VPS26B: variants seen among roughly 807,000 people sequenced by gnomAD.
The protein encoded by VPS26B is VPS26 retromer complex component B, also known as vacuolar protein sorting-associated protein 26B.
A neutral mutation model predicts 33.3 loss-of-function variants in VPS26B; 10 were observed. The ratio of observed to expected loss-of-function variants is 0.30; its 90% CI spans 0.19 to 0.51. The LOEUF is 0.51. VPS26B is among the 20% of genes least tolerant of loss of function. The pLI, the probability that VPS26B is intolerant of heterozygous loss-of-function variation, is 0.98. For synonymous variants in VPS26B, 190 were observed against 176.9 expected, an observed-to-expected ratio of 1.07 and a Z score of -0.59; for missense variants, 317 against 452.7, an observed-to-expected ratio of 0.70 and a Z score of 2.72.
rs1938809344 is a variant in VPS26B at position 134,245,913 on chromosome 11, C to T, written c.*323C>T. 3.4e-6 allele frequency: 1 copy of T among 294,160 alleles called. No individual in the cohort carries two copies. The highest frequency in any genetic ancestry group is 6.5e-6 in the Non-Finnish European group (1 of 152,856). 18.2% of individuals were successfully genotyped at this position (294,160 alleles called of 1,614,324 possible). The stretch of plus-strand genomic sequence containing the variant: ...GGAGGGAGAGCAGAGAGCACGCATC[C>T]TTGGCTCCTGGCTCTCTGAGCTTCC... On this transcript the variant is annotated 3_prime_UTR_variant, in exon 6 of 6. Transcript: ENST00000281187. This position sits in a 1 kb window ranked among gnomAD's most constrained non-coding sequence, Gnocchi z 4.7.
intron 1 of VPS26B, among the ~76,000 whole-genome samples, chr11:134,226,190 C>G (rs1938465941): frequency 6.6e-6 from 1 of 152,030 alleles, no homozygotes; most frequent in Admixed American, 6.5e-5. Context: ...TGCTTGAGGC[C>G]AGGAGTTGGA....
rs894079837 is a variant in VPS26B at position 134,245,944 on chromosome 11, C to G, written c.*354C>G. 4.1e-6 allele frequency: 1 copy of G among 244,038 alleles called. No homozygotes were observed. The highest frequency in any genetic ancestry group is 8.2e-6 in the Non-Finnish European group (1 of 122,264). The allele number at this position is 244,038 out of a possible 1,614,324, so 15.1% of individuals were successfully genotyped here. A position where few individuals can be genotyped will look rare whatever the true frequency, so the allele number is the denominator to read the frequency against. ...TCCTGGCTCTCTGAGCTTCCTGATA[C>G]AGGATCTGAGCATGTCCCTGGGATT... is the stretch of plus-strand genomic sequence containing the variant. On this transcript the variant is annotated 3_prime_UTR_variant, in exon 6 of 6. Coordinates refer to ENST00000281187, the MANE Select transcript of VPS26B (RefSeq NM_052875.5). The surrounding 1 kb of genome is among the most constrained non-coding windows in gnomAD (Gnocchi z 4.7).
In VPS26B at chr11:134,245,358, C is replaced by T. The variant is rs1938793609; in HGVS notation, c.865-86C>T. ...GCAGAGGAGGTCCTTGCCCGAGATT[C>T]CCCACGTCAAAGTTGGGAGCCTCTA... On this transcript the variant is annotated intron_variant, in intron 5 of 5. Transcript: ENST00000281187. This position sits in a 1 kb window ranked among gnomAD's most constrained non-coding sequence, Gnocchi z 4.7. The T allele has an allele frequency of 1.9e-6, 3 of 1,573,254 alleles. No individual in the cohort carries two copies. In the Admixed American group the frequency reaches 5.1e-5, roughly 27 times the overall value.
At chr11:134,234,828 GC>G (rs772465632) in intron 1 of VPS26B, 68 bp from the exon 2 acceptor site, 425 of 1,563,736 alleles carry the variant, frequency 2.7e-4, no homozygotes, top group Admixed American at 4.4e-4. Context: ...ACAGCCTCCA[GC>G]CCCCTACTCG....
Position 134,244,986 on chromosome 11 carries a change from C to G in VPS26B, c.770C>G (p.Pro257Arg). Residue 257 changes from proline to arginine, a missense_variant, in exon 5 of 6, where the codon CCC becomes CGC. Coordinates refer to ENST00000281187, the MANE Select transcript of VPS26B (RefSeq NM_052875.5). The surrounding 1 kb of genome is among the most constrained non-coding windows in gnomAD (Gnocchi z 4.0). ...RLFLAGYELT[P>R]TMRDINKKFS... ...TTCCTGGCCGGGTATGAGCTCACGC[C>G]CACCATGCGGGACATCAACAAGAAG... 1.9e-6 allele frequency: 3 copies of G among 1,614,122 alleles called. No individual in the cohort carries two copies. Among genetic ancestry groups the G allele is most frequent in the Non-Finnish European group, 2.5e-6 (3 of 1,180,038 alleles).
intron 1 of VPS26B, among the ~76,000 whole-genome samples, chr11:134,229,084 C>T (rs1445839780): frequency 1.3e-5 from 2 of 152,164 alleles, no homozygotes; most frequent in Non-Finnish European, 2.9e-5. Context: ...GGCTAGAGTG[C>T]AGTGCCACGA....
At chr11:134,239,499 A>T (rs567567848) in intron 2 of VPS26B, among the ~76,000 whole-genome samples, 1 of 152,348 alleles carries the variant, frequency 6.6e-6, no homozygotes, top group South Asian at 2.1e-4. Flanking sequence ...AGAAAGGTTT[A>T]TTGGGACACT....
chr11:134,245,568 C>CT lies in VPS26B; in HGVS notation c.990dup (p.Asp331Ter), dbSNP rs1282972025. The CT allele has an allele frequency of 1.9e-6, 3 of 1,611,716 alleles. No individual in the cohort carries two copies. The highest frequency in any genetic ancestry group is 2.5e-6 in the Non-Finnish European group (3 of 1,179,750). ...GAGGTGCGGACCCCCAGCCAGCTGT[C>CT]TGACAACAACTGCAGGCAGTAGGCC... On this transcript the variant is annotated frameshift_variant, in exon 6 of 6. Coordinates refer to ENST00000281187, the MANE Select transcript of VPS26B (RefSeq NM_052875.5). LOFTEE classifies it high-confidence loss of function. This position sits in a 1 kb window ranked among gnomAD's most constrained non-coding sequence, Gnocchi z 4.7.
rs1938797769 is a variant in VPS26B at position 134,245,491 on chromosome 11, C to T, written c.912C>T (p.Ser304=). ...RKGDIVRKSM[S]HQAAIASQRF... ...GTGACATCGTACGGAAGAGCATGTC[C>T]CACCAGGCGGCCATCGCCTCACAGC... The change falls in exon 6 of 6, where the codon TCC becomes TCT. Residue 304 remains serine, a synonymous_variant. Coordinates refer to ENST00000281187, the MANE Select transcript of VPS26B (RefSeq NM_052875.5). This position sits in a 1 kb window ranked among gnomAD's most constrained non-coding sequence, Gnocchi z 4.7. 1 of 1,613,860 alleles carries T rather than the reference C, an allele frequency of 6.2e-7. No homozygotes were observed. Among genetic ancestry groups the T allele is most frequent in the African/African-American group, 1.3e-5 (1 of 74,930 alleles).
chr11:134,244,872 G>C lies in VPS26B; in HGVS notation c.722-66G>C. 7.7e-6 allele frequency: 12 copies of C among 1,566,706 alleles called. No homozygotes were observed. The highest frequency in any genetic ancestry group is 1.0e-5 in the Non-Finnish European group (12 of 1,161,460). ...CAGTGGCATCTCTGCAGTGGTCAGA[G>C]TGACCTGGTATAAGGGAGAGGGCAT... On this transcript the variant is annotated intron_variant, in intron 4 of 5. Coordinates refer to ENST00000281187, the MANE Select transcript of VPS26B (RefSeq NM_052875.5). This position sits in a 1 kb window ranked among gnomAD's most constrained non-coding sequence, Gnocchi z 4.0.
At chr11:134,227,295 A>AT (rs1451986658) in intron 1 of VPS26B, among the ~76,000 whole-genome samples, 14 of 152,208 alleles carry the variant, frequency 9.2e-5, no homozygotes, top group Non-Finnish European at 1.8e-4. Context: ...TGAGCAAGGT[A>AT]TTTTTTAGTA....
At chr11:134,239,356 C>T (rs1304141598) in intron 2 of VPS26B, among the ~76,000 whole-genome samples, 4 of 152,192 alleles carry the variant, frequency 2.6e-5, no homozygotes, top group Non-Finnish European at 2.9e-5. Flanking sequence ...CCATCTCCCC[C>T]GGTGAACTGT....
At chr11:134,239,880 G>C (rs998610497) in intron 2 of VPS26B, 111 bp from the exon 3 acceptor site, 1 of 1,205,112 alleles carries the variant, frequency 8.3e-7, no homozygotes, top group Non-Finnish European at 1.2e-6. Flanking sequence ...AAGCCCTCAA[G>C]GGTTAAGAAC....
In VPS26B at chr11:134,234,275, A is replaced by C. The variant is rs973039802; in HGVS notation, c.224-622A>C. ...TTTGCTGTGTACTAGATACTGTTCT[A>C]AGTCTTTTACCTACATCACCCCTGC... is the stretch of plus-strand genomic sequence containing the variant. On this transcript the variant is annotated intron_variant, in intron 1 of 5. Transcript: ENST00000281187. Among the ~76,000 whole-genome samples the C allele has an allele frequency of 2.0e-5, 3 of 152,186 alleles. No homozygotes were observed. The East Asian group carries it at 5.8e-4, about 29-fold the overall frequency.
rs55726358 is a variant in VPS26B, at chr11:134,240,794, CGTGTGTGTGT to C, written c.545+664_545+673del. ...GTGTCCGTGTGTGTGTGTGTGTGTC[CGTGTGTGTGT>C]GTGTGTGTGTGTGTGTGTGTGTGTA... On this transcript the variant is annotated intron_variant, in intron 3 of 5. Coordinates refer to ENST00000281187, the MANE Select transcript of VPS26B (RefSeq NM_052875.5). The surrounding 1 kb of genome is among the most constrained non-coding windows in gnomAD (Gnocchi z 4.4). Among the ~76,000 whole-genome samples, 23 of 138,532 alleles carry C rather than the reference CGTGTGTGTGT, an allele frequency of 1.7e-4. No individual in the cohort carries two copies. The highest frequency in any genetic ancestry group is 3.7e-3 in the Middle Eastern group (1 of 272). 90.9% of individuals were successfully genotyped at this position (138,532 alleles called of 152,430 possible). A position where few individuals can be genotyped will look rare whatever the true frequency, so the allele number is the denominator to read the frequency against.
Position 134,247,716 on chromosome 11 carries a change from GAAC to G in VPS26B, c.*2127_*2129del, listed in dbSNP as rs1401823508. 1 of 154,326 alleles carries G rather than the reference GAAC, an allele frequency of 6.5e-6. No individual in the cohort carries two copies. The highest frequency in any genetic ancestry group is 2.4e-5 in the African/African-American group (1 of 41,458). 9.6% of individuals were successfully genotyped at this position (154,326 alleles called of 1,614,324 possible). A position where few individuals can be genotyped will look rare whatever the true frequency, so the allele number is the denominator to read the frequency against. ...CTTTTCAATGGCTGTATTAAAAGAA[GAAC>G]GTTTGTTTTAATGGTCTTTCTGATT... On this transcript the variant is annotated 3_prime_UTR_variant, in exon 6 of 6. Transcript: ENST00000281187.
At chr11:134,243,068 A>C (rs765249399) in intron 3 of VPS26B, 51 bp from the exon 4 acceptor site, 7 of 1,594,434 alleles carry the variant, frequency 4.4e-6, no homozygotes, top group South Asian at 1.1e-5. Context: ...TGAAACAGAA[A>C]GGTCTGGCCA....
In VPS26B at chr11:134,245,599, G is replaced by A. The variant is rs1430119803; in HGVS notation, c.*9G>A. Reference sequence around the variant, plus strand: ...ACAACTGCAGGCAGTAGGCCCCCAGGGCCGAGAAGATGCTGGGCACCCACC... The same window carrying A: ...ACAACTGCAGGCAGTAGGCCCCCAGAGCCGAGAAGATGCTGGGCACCCACC... On this transcript the variant is annotated 3_prime_UTR_variant, in exon 6 of 6. Transcript: ENST00000281187. This position sits in a 1 kb window ranked among gnomAD's most constrained non-coding sequence, Gnocchi z 4.7. The A allele has an allele frequency of 3.1e-6, 5 of 1,602,102 alleles. No homozygotes were observed. The highest frequency in any genetic ancestry group is 1.7e-5 in the Admixed American group (1 of 59,512).
At chr11:134,231,827 T>A (rs1489966862) in intron 1 of VPS26B, among the ~76,000 whole-genome samples, 1 of 152,194 alleles carries the variant, frequency 6.6e-6, no homozygotes, top group African/African-American at 2.4e-5. Flanking sequence ...CCTCCCAAAG[T>A]GCTGGGATTA....
Sources: allele counts gnomAD v4.1 joint callset (sites outside exome capture counted in the v4.1 genomes callset), GRCh38; gene constraint gnomAD v4.1.1; non-coding constraint Gnocchi (gnomAD v3.1); transcripts MANE v1.5; gene names NCBI Gene and HGNC (gene_info 2026-07-23, HGNC 2026-07-21).